The following ZNF678 variants were observed in gnomAD, a reference collection of about 807,000 sequenced individuals.
ZNF678 encodes the protein hypothetical protein MGC42493.
A neutral mutation model predicts 3.0 loss-of-function variants in ZNF678; 5 were observed. The ratio of observed to expected loss-of-function variants is 1.69; its 90% CI spans 0.88 to 3.56. ZNF678 has a LOEUF of 3.56. ZNF678 is among the 30% of genes most tolerant of loss of function. ZNF678 has a pLI of 0.00. For missense variants in ZNF678, 593 were observed against 605.0 expected, an observed-to-expected ratio of 0.98 and a Z score of 0.21; for synonymous variants, 218 against 199.6, an observed-to-expected ratio of 1.09 and a Z score of -0.78.
At chr1:227,598,454 C>T in intron 1 of ZNF678, 1 of 1,473,016 alleles carries the variant, frequency 6.8e-7, no homozygotes, top group South Asian at 1.3e-5. Flanking sequence ...AACTAGCAGC[C>T]TTCTTTTTCT....
At chr1:227,676,626 C>T (rs1223797433) in intron 5 of ZNF678, among the ~76,000 whole-genome samples, 3 of 151,468 alleles carry the variant, frequency 2.0e-5, no homozygotes, top group Non-Finnish European at 4.4e-5. Context: ...CACCCAGTAA[C>T]TCGTCATTTA....
At chr1:227,637,634 A>G (rs1658713229) in intron 1 of ZNF678, among the ~76,000 whole-genome samples, 1 of 152,156 alleles carries the variant, frequency 6.6e-6, no homozygotes, top group Non-Finnish European at 1.5e-5. Context: ...GGGGCCTGAA[A>G]TGAGAGCCTT....
chr1:227,646,025 G>T (rs958920481), intron 1 of ZNF678, among the ~76,000 whole-genome samples: 1 of 152,152 alleles, frequency 6.6e-6, no homozygotes, highest in African/African-American at 2.4e-5. Context: ...ATGGTCAAAT[G>T]AACTGAGATA....
intron 1 of ZNF678, among the ~76,000 whole-genome samples, chr1:227,600,540 A>C (rs1657711725): frequency 6.6e-6 from 1 of 152,192 alleles, no homozygotes; most frequent in African/African-American, 2.4e-5. Flanking sequence ...TTCTCTAATC[A>C]GTTATGTTGA....
intron 1 of ZNF678, among the ~76,000 whole-genome samples, chr1:227,610,146 T>A (rs986337798): frequency 6.6e-6 from 1 of 152,202 alleles, no homozygotes; most frequent in Non-Finnish European, 1.5e-5. Context: ...GGAGCTCTTA[T>A]TCTACTTTTT....
At chr1:227,585,651 T>C (rs1657240555) in intron 1 of ZNF678, among the ~76,000 whole-genome samples, 2 of 152,132 alleles carry the variant, frequency 1.3e-5, no homozygotes, top group Admixed American at 6.6e-5. Context: ...CACATGCCTT[T>C]AGTCCTAGCT....
chr1:227,652,158 T>G (rs1180154106), intron 3 of ZNF678, among the ~76,000 whole-genome samples: 1 of 152,212 alleles, frequency 6.6e-6, no homozygotes, highest in Non-Finnish European at 1.5e-5. Context: ...ACACTTTTAT[T>G]ATTACTTGAT....
chr1:227,566,251 G>T (rs886606909), intron 1 of ZNF678, among the ~76,000 whole-genome samples: 2 of 152,182 alleles, frequency 1.3e-5, no homozygotes, highest in African/African-American at 4.8e-5. Flanking sequence ...GCTGAGAGAA[G>T]TCTTCTGGTA....
chr1:227,589,812 C>A (rs1414965485), intron 1 of ZNF678, among the ~76,000 whole-genome samples: 1 of 151,862 alleles, frequency 6.6e-6, no homozygotes, highest in Non-Finnish European at 1.5e-5. Flanking sequence ...CGGGGCCGGG[C>A]TTTCTGCCTG....
chr1:227,576,746 C>T (rs1656995402), intron 1 of ZNF678, among the ~76,000 whole-genome samples: 1 of 152,142 alleles, frequency 6.6e-6, no homozygotes, highest in Non-Finnish European at 1.5e-5. Context: ...TTCAGTTCAG[C>T]TCTGATTTTG....
chr1:227,633,973 C>T (rs1281511370), intron 1 of ZNF678, among the ~76,000 whole-genome samples: 1 of 152,224 alleles, frequency 6.6e-6, no homozygotes, highest in Non-Finnish European at 1.5e-5. Flanking sequence ...CCCTTCCTTC[C>T]ACTTGAGGTG....
intron 1 of ZNF678, among the ~76,000 whole-genome samples, chr1:227,583,901 T>G (rs2102730865): frequency 6.6e-6 from 1 of 152,318 alleles, no homozygotes; most frequent in South Asian, 2.1e-4. Flanking sequence ...GAGATCAAAC[T>G]AATACAGCAT....
Position 227,655,468 on chromosome 1 carries a change from A to C in ZNF678, c.1218A>C (p.Lys406Asn). The C allele has an allele frequency of 1.2e-6, 2 of 1,612,372 alleles. No homozygotes were observed. The highest frequency in any genetic ancestry group is 4.5e-5 in the East Asian group (2 of 44,786). ...RRIHTGVKPY[K>N]CEECGKVFKQ... Reference sequence around the variant, plus strand: ...TTCATACTGGAGTGAAACCCTACAAATGTGAAGAATGTGGGAAAGTTTTTA... The same window carrying C: ...TTCATACTGGAGTGAAACCCTACAACTGTGAAGAATGTGGGAAAGTTTTTA... The change falls in exon 4 of 4, where the codon AAA becomes AAC. Residue 406 changes from lysine (K) to asparagine (N), a missense_variant. Lys to Asn is a moderately conservative substitution (Grantham distance 94). Transcript: ENST00000343776.
chr1:227,597,983 A>G (rs1657638032), intron 1 of ZNF678, among the ~76,000 whole-genome samples: 1 of 152,318 alleles, frequency 6.6e-6, no homozygotes, highest in Non-Finnish European at 1.5e-5. Flanking sequence ...ATACGAGGGG[A>G]AAAAATTAAA....
chr1:227,576,096 A>T (rs111979796), intron 1 of ZNF678, among the ~76,000 whole-genome samples: 1,645 of 152,302 alleles, frequency 0.011, 34 homozygotes, highest in African/African-American at 0.038. Flanking sequence ...GATAAAGCCT[A>T]CTTGATCATG....
chr1:227,612,721 TAAG>T (rs1411825751), intron 1 of ZNF678, among the ~76,000 whole-genome samples: 1 of 152,190 alleles, frequency 6.6e-6, no homozygotes, highest in South Asian at 2.1e-4. Flanking sequence ...GCTGCTCTGG[TAAG>T]AAGACTTCTT....
chr1:227,593,356 G>A (rs999092046), intron 1 of ZNF678, among the ~76,000 whole-genome samples: 2 of 152,150 alleles, frequency 1.3e-5, no homozygotes, highest in African/African-American at 2.4e-5. Context: ...CTTTAACTTC[G>A]ATGACCCTCT....
intron 1 of ZNF678, among the ~76,000 whole-genome samples, chr1:227,597,276 G>A (rs1657617288): frequency 6.6e-6 from 1 of 152,192 alleles, no homozygotes; most frequent in Non-Finnish European, 1.5e-5. Flanking sequence ...AGGCGTTTAA[G>A]TGGTTTTCTG....
chr1:227,616,704 G>A (rs992986949), intron 1 of ZNF678, among the ~76,000 whole-genome samples: 5 of 152,288 alleles, frequency 3.3e-5, no homozygotes, highest in Admixed American at 1.3e-4. Flanking sequence ...ACCACTGTCC[G>A]GGGGTGTCTC....
Sources: allele counts gnomAD v4.1 joint callset (sites outside exome capture counted in the v4.1 genomes callset), GRCh38; gene constraint gnomAD v4.1.1; transcripts MANE v1.5; gene names NCBI Gene and HGNC (gene_info 2026-07-23, HGNC 2026-07-21).